LY6S: variants seen among roughly 807,000 people sequenced by gnomAD.
LY6S encodes lymphocyte antigen 6S.
the LY6S span, among the ~76,000 whole-genome samples, chr8:143,072,308 C>G: frequency 7.0e-6 from 1 of 143,808 alleles, no homozygotes; most frequent in African/African-American, 2.6e-5. Context: ...CAGCCGTCGT[C>G]CCCGGGGCTC....
chr8:143,042,772 C>A, the LY6S span, among the ~76,000 whole-genome samples: 1 of 152,172 alleles, frequency 6.6e-6, no homozygotes, highest in Admixed American at 6.5e-5. Flanking sequence ...TAGTGGCAAG[C>A]TGGATGGAGC....
the LY6S span, among the ~76,000 whole-genome samples, chr8:143,056,134 T>G: frequency 6.7e-6 from 1 of 150,112 alleles, no homozygotes; most frequent in Non-Finnish European, 1.5e-5. Context: ...TCCTCTTTTT[T>G]CTTTTCTGTT....
the LY6S span, among the ~76,000 whole-genome samples, chr8:143,049,997 G>GGTTGTGGGAGAAACACCTCGTCCA: frequency 1.3e-5 from 2 of 151,776 alleles, no homozygotes; most frequent in African/African-American, 4.9e-5. Context: ...CACCCTGTCT[G>GGTTGTGGGAGAAACACCTCGTCCA]GTTGTGGGAG....
the LY6S span, among the ~76,000 whole-genome samples, chr8:143,073,904 A>G: frequency 7.4e-4 from 50 of 67,454 alleles, 2 homozygotes; most frequent in African/African-American, 2.9e-3. Context: ...GACAGCCATC[A>G]TCCTCGTGGT....
chr8:143,044,349 G>A, the LY6S span: 2 of 419,062 alleles, frequency 4.8e-6, no homozygotes, highest in Non-Finnish European at 9.6e-6. Flanking sequence ...CCCTGCTGCT[G>A]GGCACTGGGA....
the LY6S span, chr8:143,048,123 C>T: frequency 6.6e-6 from 1 of 152,224 alleles, no homozygotes; most frequent in African/African-American, 2.4e-5. Context: ...AGTTTCCCTT[C>T]CCCGCAGCGG....
At chr8:143,060,606 A>G in the LY6S span, among the ~76,000 whole-genome samples, 1 of 152,080 alleles carries the variant, frequency 6.6e-6, no homozygotes, top group African/African-American at 2.4e-5. Context: ...CACACTCCTT[A>G]CCCTGCCCTC....
the LY6S span, among the ~76,000 whole-genome samples, chr8:143,068,886 G>A: frequency 6.6e-6 from 1 of 152,160 alleles, no homozygotes; most frequent in South Asian, 2.1e-4. Context: ...CTGCAGGAGT[G>A]AGCTGGGCTG....
At chr8:143,048,698 G>A in the LY6S span, among the ~76,000 whole-genome samples, 2 of 152,044 alleles carry the variant, frequency 1.3e-5, no homozygotes, top group Non-Finnish European at 2.9e-5. Context: ...TCGAACTGCT[G>A]ACCTCAAGTG....
the LY6S span, among the ~76,000 whole-genome samples, chr8:143,058,181 G>A: frequency 2.4e-4 from 36 of 152,280 alleles, 1 homozygote; most frequent in Admixed American, 1.6e-3. Context: ...CCCCGCGTGC[G>A]GCGACAAGAG....
chr8:143,053,389 T>C, the LY6S span: 4 of 152,162 alleles, frequency 2.6e-5, no homozygotes, highest in Admixed American at 6.5e-5. Context: ...TGCTGGTCTG[T>C]GTGCTAGGGA....
At chr8:143,050,362 G>A in the LY6S span, among the ~76,000 whole-genome samples, 1 of 151,878 alleles carries the variant, frequency 6.6e-6, no homozygotes. Context: ...TGTATTTTTA[G>A]TAGACGCGGG....
chr8:143,061,608 G>A, the LY6S span, among the ~76,000 whole-genome samples: 9 of 152,318 alleles, frequency 5.9e-5, no homozygotes, highest in South Asian at 4.1e-4. Flanking sequence ...GCAATGGTGC[G>A]ATCTTGGCTC....
the LY6S span, chr8:143,054,235 C>G: frequency 7.4e-6 from 1 of 135,598 alleles, no homozygotes; most frequent in Non-Finnish European, 1.5e-5. Context: ...ACCTAGGAGG[C>G]AGAGTTTGCA....
At chr8:143,075,470 G>A in the LY6S span, among the ~76,000 whole-genome samples, 5 of 152,152 alleles carry the variant, frequency 3.3e-5, no homozygotes, top group Admixed American at 1.3e-4. The surrounding 1 kb of genome is among the most constrained non-coding windows in gnomAD (Gnocchi z 4.1). Context: ...TTGGGAGGCC[G>A]AGGAGGGTGG....
At chr8:143,071,600 A>G in the LY6S span, among the ~76,000 whole-genome samples, 1 of 152,212 alleles carries the variant, frequency 6.6e-6, no homozygotes, top group African/African-American at 2.4e-5. Flanking sequence ...TCGATTTTCT[A>G]TAAAGCCAAA....
the LY6S span, among the ~76,000 whole-genome samples, chr8:143,040,880 G>T: frequency 1.3e-5 from 2 of 152,096 alleles, no homozygotes; most frequent in Admixed American, 1.3e-4. Context: ...ATCACATGTC[G>T]GCAGGTTCCG....
the LY6S span, among the ~76,000 whole-genome samples, chr8:143,043,501 C>T: frequency 6.6e-6 from 1 of 152,138 alleles, no homozygotes; most frequent in Admixed American, 6.5e-5. Flanking sequence ...GACGCTGAGG[C>T]CACCCAGGGA....
At chr8:143,050,274 G>A in the LY6S span, among the ~76,000 whole-genome samples, 3 of 148,060 alleles carry the variant, frequency 2.0e-5, no homozygotes, top group African/African-American at 5.0e-5. Flanking sequence ...TTTGCCTCCC[G>A]GGTTAAAGCG....
Sources: gnomAD v4.1 joint callset for allele counts (sites outside exome capture counted in the v4.1 genomes callset) on GRCh38, gnomAD v4.1.1 for gene constraint, Gnocchi (gnomAD v3.1) non-coding constraint, MANE v1.5 for transcripts, NCBI Gene and HGNC (gene_info 2026-07-23, HGNC 2026-07-21) for gene names.